Variants in SCRG1 observed in about 807,000 individuals in gnomAD.
The protein encoded by SCRG1 is scrapie-responsive protein 1.
In SCRG1, 3 loss-of-function variants were observed where a neutral mutation model predicts 7.7. That is an observed-to-expected ratio of 0.39 (90% CI 0.18 to 1.01). The LOEUF (loss-of-function observed/expected upper bound fraction) is 1.01. Among genes scored for constraint, SCRG1 ranks in the 50% least tolerant of loss-of-function variants. The pLI is 0.36. For synonymous variants in SCRG1, 46 were observed against 41.2 expected (o/e 1.12, Z -0.44); for missense variants, 110 against 117.2 (o/e 0.94, Z 0.28).
the SCRG1 span, among the ~76,000 whole-genome samples, chr4:173,435,073 A>C: frequency 2.0e-5 from 3 of 152,028 alleles, no homozygotes. Flanking sequence ...AGGATTCACT[A>C]TTATATAGAA....
chr4:173,508,008 G>A, the SCRG1 span, among the ~76,000 whole-genome samples: 1 of 152,196 alleles, frequency 6.6e-6, no homozygotes, highest in Admixed American at 6.5e-5. The surrounding 1 kb of genome is among the most constrained non-coding windows in gnomAD (Gnocchi z 4.4). Flanking sequence ...GTCGGGGAGG[G>A]GGAGATGGAT....
chr4:173,507,259 G>A, the SCRG1 span, among the ~76,000 whole-genome samples: 1 of 152,170 alleles, frequency 6.6e-6, no homozygotes, highest in Non-Finnish European at 1.5e-5. This position sits in a 1 kb window ranked among gnomAD's most constrained non-coding sequence, Gnocchi z 4.4. Flanking sequence ...GCCCAGGCTG[G>A]AATGAAGTGT....
the SCRG1 span, among the ~76,000 whole-genome samples, chr4:173,421,290 G>C: frequency 1.4e-4 from 22 of 152,268 alleles, no homozygotes; most frequent in South Asian, 6.2e-4. Context: ...CTCACTCCTT[G>C]AAGTGAACAA....
At chr4:173,493,616 GA>G in the SCRG1 span, among the ~76,000 whole-genome samples, 799 of 95,622 alleles carry the variant, frequency 8.4e-3, 5 homozygotes, top group African/African-American at 0.019. Context: ...GACTCAGTCA[GA>G]AAAAAAAAAA....
At chr4:173,451,993 G>T in the SCRG1 span, among the ~76,000 whole-genome samples, 3 of 151,982 alleles carry the variant, frequency 2.0e-5, no homozygotes, top group Non-Finnish European at 4.4e-5. Flanking sequence ...TTTTAAGGAT[G>T]CCATCCCTCT....
At chr4:173,459,462 C>T in the SCRG1 span, among the ~76,000 whole-genome samples, 1 of 152,172 alleles carries the variant, frequency 6.6e-6, no homozygotes, top group Non-Finnish European at 1.5e-5. Context: ...AAGAGGAACT[C>T]TTGAAACTCT....
the SCRG1 span, among the ~76,000 whole-genome samples, chr4:173,519,092 C>A: frequency 1.3e-5 from 2 of 149,170 alleles, no homozygotes; most frequent in East Asian, 4.0e-4. Context: ...GGTAGCCCTG[C>A]GGGTCGAAGA....
the SCRG1 span, among the ~76,000 whole-genome samples, chr4:173,449,751 C>G: frequency 6.6e-6 from 1 of 152,186 alleles, no homozygotes; most frequent in Non-Finnish European, 1.5e-5. Context: ...TAGCTTCATT[C>G]ACTGGTGATT....
chr4:173,504,448 G>C, the SCRG1 span, among the ~76,000 whole-genome samples: 9 of 152,176 alleles, frequency 5.9e-5, no homozygotes, highest in Non-Finnish European at 1.0e-4. This position sits in a 1 kb window ranked among gnomAD's most constrained non-coding sequence, Gnocchi z 4.7. Context: ...CCAGACAGGA[G>C]ACTAGACCTC....
At chr4:173,476,359 A>ATAT in the SCRG1 span, among the ~76,000 whole-genome samples, 56 of 24,278 alleles carry the variant, frequency 2.3e-3, no homozygotes, top group African/African-American at 5.7e-3. Flanking sequence ...AGGGGGAAAA[A>ATAT]AAAAATATAT....
chr4:173,404,865 T>C (rs1187496230), intron 1 of SCRG1, among the ~76,000 whole-genome samples: 2 of 152,220 alleles, frequency 1.3e-5, no homozygotes, highest in Non-Finnish European at 2.9e-5. Context: ...ATTCTAAATA[T>C]CATTTTTAAA....
At chr4:173,419,235 ATTGT>A in the SCRG1 span, 7 of 488,188 alleles carry the variant, frequency 1.4e-5, no homozygotes, top group East Asian at 1.9e-4. Flanking sequence ...CTCATAGAAA[ATTGT>A]TTGGTTTAGC....
At chr4:173,405,433 C>T (rs1025825102) in intron 1 of SCRG1, among the ~76,000 whole-genome samples, 2 of 152,122 alleles carry the variant, frequency 1.3e-5, no homozygotes, top group African/African-American at 4.8e-5. Flanking sequence ...TGCACATTTA[C>T]TCTTTTTCTC....
At chr4:173,450,814 TGAGACATAA>T in the SCRG1 span, among the ~76,000 whole-genome samples, 1 of 152,170 alleles carries the variant, frequency 6.6e-6, no homozygotes, top group African/African-American at 2.4e-5. Flanking sequence ...TGAGGTTAGC[TGAGACATAA>T]GAGGGATGAG....
the SCRG1 span, among the ~76,000 whole-genome samples, chr4:173,498,294 T>C: frequency 6.6e-6 from 1 of 152,220 alleles, no homozygotes; most frequent in Non-Finnish European, 1.5e-5. Context: ...AGTTTTGCTT[T>C]ACATTAATGC....
the SCRG1 span, among the ~76,000 whole-genome samples, chr4:173,453,064 C>T: frequency 6.6e-6 from 1 of 152,164 alleles, no homozygotes; most frequent in Non-Finnish European, 1.5e-5. Context: ...ACAGTACCAG[C>T]TTTTTCTTGT....
chr4:173,428,046 A>G, the SCRG1 span, among the ~76,000 whole-genome samples: 1 of 152,214 alleles, frequency 6.6e-6, no homozygotes, highest in Admixed American at 6.5e-5. Context: ...TCAATTATTG[A>G]AGATCAAAGA....
chr4:173,435,154 G>A, the SCRG1 span, among the ~76,000 whole-genome samples: 1 of 132,950 alleles, frequency 7.5e-6, no homozygotes, highest in East Asian at 2.2e-4. Context: ...GTGTGTGTGT[G>A]TTTAAAGAAC....
At chr4:173,417,028 C>T in the SCRG1 span, among the ~76,000 whole-genome samples, 1 of 149,862 alleles carries the variant, frequency 6.7e-6, no homozygotes, top group South Asian at 2.1e-4. Flanking sequence ...CACACAATCA[C>T]ATCTTCACAC....
Sources: gnomAD v4.1 joint callset for allele counts (sites outside exome capture counted in the v4.1 genomes callset) on GRCh38, gnomAD v4.1.1 for gene constraint, Gnocchi (gnomAD v3.1) non-coding constraint, MANE v1.5 for transcripts, NCBI Gene and HGNC (gene_info 2026-07-23, HGNC 2026-07-21) for gene names.